NUP62: variants seen among roughly 807,000 people sequenced by gnomAD.
NUP62 encodes nuclear pore glycoprotein p62.
For missense variants in NUP62, 647 were observed against 689.4 expected (o/e 0.94, Z 0.69); for synonymous variants, 305 against 303.4 (o/e 1.01, Z -0.05).
At chr19:49,920,988 G>A (rs2075753485) in intron 2 of NUP62, among the ~76,000 whole-genome samples, 1 of 152,156 alleles carries the variant, frequency 6.6e-6, no homozygotes, top group South Asian at 2.1e-4. Flanking sequence ...AGGTTTCTCT[G>A]GGAACCAGGT....
rs755277180 is a variant in NUP62 at position 49,908,957 on chromosome 19, C to CTGGTGGTGG, written c.850_851insCCACCACCA (p.Ser283_Ser284insThrThrThr). On this transcript the variant is annotated inframe_insertion, in exon 3 of 3. Coordinates refer to ENST00000352066, the MANE Select transcript of NUP62 (RefSeq NM_016553.5). ...CAAGGCAAAGCCGGTGGTGCTGCTG[C>CTGGTGGTGG]TGCTGGTGGTGGTGGCGGTGGCGGT... The CTGGTGGTGG allele has an allele frequency of 6.2e-6, 10 of 1,609,454 alleles. No homozygotes were observed. The Admixed American group carries it at 6.7e-5, about 11-fold the overall frequency.
chr19:49,907,907 C>A lies in NUP62; in HGVS notation c.*332G>T. On this transcript the variant is annotated 3_prime_UTR_variant, in exon 3 of 3. Coordinates refer to ENST00000352066, the MANE Select transcript of NUP62 (RefSeq NM_016553.5). ...ATGCTTTGGAGAGAGTGGCTGCCCCCACGACCCTGGCTGGGACCAAGACCA... is the reference window on the plus strand; with the variant it reads ...ATGCTTTGGAGAGAGTGGCTGCCCCAACGACCCTGGCTGGGACCAAGACCA... The A allele has an allele frequency of 2.3e-6, 1 of 441,396 alleles. No homozygotes were observed. Among genetic ancestry groups the A allele is most frequent in the East Asian group, 4.8e-5 (1 of 20,626 alleles). 27.3% of individuals were successfully genotyped at this position (441,396 alleles called of 1,614,324 possible).
chr19:49,923,197 C>T (rs908796529), intron 2 of NUP62, among the ~76,000 whole-genome samples: 2 of 152,288 alleles, frequency 1.3e-5, no homozygotes, highest in African/African-American at 4.8e-5. Flanking sequence ...CCAGCCCCCG[C>T]GTCATCCTCT....
intron 2 of NUP62, among the ~76,000 whole-genome samples, chr19:49,910,511 G>A (rs2075437045): frequency 6.6e-6 from 1 of 152,184 alleles, no homozygotes; most frequent in Admixed American, 6.5e-5. Context: ...GCCCCTGGCT[G>A]CAGTGATTGG....
intron 2 of NUP62, among the ~76,000 whole-genome samples, chr19:49,919,511 C>G (rs1032559169): frequency 2.0e-5 from 3 of 152,222 alleles, no homozygotes; most frequent in Non-Finnish European, 2.9e-5. Flanking sequence ...CAAAATCCTG[C>G]CTCTGCCACT....
In NUP62 at chr19:49,909,281, G is replaced by A. The variant is rs1268846683; in HGVS notation, c.527C>T (p.Ala176Val). The change falls in exon 3 of 3, where the codon GCA becomes GTA. Residue 176 changes from alanine to valine, a missense_variant. By Grantham distance (64) the Ala-to-Val change is moderately conservative. Transcript: ENST00000352066. Reference sequence around the variant, plus strand: ...TGCCGTGGGCTGGGCTGAATTCCCTGCTGAGCCAATGTTGAAACCGGAGGG... The same window carrying A: ...TGCCGTGGGCTGGGCTGAATTCCCTACTGAGCCAATGTTGAAACCGGAGGG... ...AQPSGFNIGS[A>V]GNSAQPTAPA... The A allele has an allele frequency of 3.7e-6, 6 of 1,614,174 alleles. No individual in the cohort carries two copies. The highest frequency in any genetic ancestry group is 5.1e-6 in the Non-Finnish European group (6 of 1,180,024).
intron 2 of NUP62, among the ~76,000 whole-genome samples, chr19:49,924,054 T>TGCAGGC (rs1162610449): frequency 6.6e-6 from 1 of 151,966 alleles, no homozygotes; most frequent in African/African-American, 2.4e-5. Flanking sequence ...ACGGTGCAGG[T>TGCAGGC]GCAGGCAGGA....
chr19:49,913,830 C>T (rs1021266648), intron 2 of NUP62, among the ~76,000 whole-genome samples: 1 of 152,160 alleles, frequency 6.6e-6, no homozygotes, highest in Non-Finnish European at 1.5e-5. Context: ...CAGACCCATA[C>T]ATACCATGCT....
At chr19:49,917,993 G>A (rs755861024) in intron 2 of NUP62, among the ~76,000 whole-genome samples, 3 of 152,022 alleles carry the variant, frequency 2.0e-5, no homozygotes, top group African/African-American at 7.3e-5. Context: ...GTGACAGAGC[G>A]AGACTCTGTC....
Position 49,909,654 on chromosome 19 carries a change from T to C in NUP62, c.154A>G (p.Thr52Ala), listed in dbSNP as rs756915170. The stretch of plus-strand genomic sequence containing the variant: ...AACAGGCCGGTGGAAGGGGTACTTG[T>C]GGCTGGTTGGAAGGGAGCCCCAAAA... ...FNFGAPFQPA[T>A]STPSTGLFSL... Residue 52 changes from threonine to alanine, a missense_variant, in exon 3 of 3, where the codon ACA (threonine) becomes GCA (alanine). Transcript: ENST00000352066. 3 of 1,614,174 alleles carry C rather than the reference T, an allele frequency of 1.9e-6. No homozygotes were observed. Among genetic ancestry groups the C allele is most frequent in the African/African-American group, 1.3e-5 (1 of 75,044 alleles).
At position 49,927,724 on chromosome 19, in the gene NUP62, T is replaced by A. The variant is rs1342797940; in HGVS notation, c.-108A>T. The A allele has an allele frequency of 3.9e-5, 6 of 152,258 alleles. No individual in the cohort carries two copies. Among genetic ancestry groups the A allele is most frequent in the Non-Finnish European group, 8.8e-5 (6 of 68,070 alleles). The allele number at this position is 152,258 out of a possible 1,614,324, so 9.4% of individuals were successfully genotyped here. ...AGTATCAGGATTCCTCCACCTTCTC[T>A]GGACCTTGATTCAGTCTCCTAACTG... is the stretch of plus-strand genomic sequence containing the variant. On this transcript the variant is annotated 5_prime_UTR_variant, in exon 2 of 3. Transcript: ENST00000352066.
Position 49,909,003 on chromosome 19 carries a change from T to C in NUP62, c.805A>G (p.Thr269Ala). ...GCGGTGGCAGCGGTGGATGTTGTTG[T>C]GGAGGTGCCGGAAGCTGCTCCAGGT... Reference protein sequence around the residue: ...KAPGAASGTSTTTSTAATATA... With the variant: ...KAPGAASGTSATTSTAATATA... Residue 269 changes from threonine to alanine, a missense_variant, in exon 3 of 3, where the codon ACA (threonine) becomes GCA (alanine). Coordinates refer to ENST00000352066, the MANE Select transcript of NUP62 (RefSeq NM_016553.5). 1 of 1,612,332 alleles carries C rather than the reference T, an allele frequency of 6.2e-7. No homozygotes were observed. The highest frequency in any genetic ancestry group is 1.3e-5 in the African/African-American group (1 of 75,002).
Position 49,921,699 on chromosome 19 carries a change from G to C in NUP62, c.-78+5995C>G, listed in dbSNP as rs980572902. Reference sequence around the variant, plus strand: ...CCTCTGCCCATTGAGGGGGCACCTAGGGAGCCTAGGGGTCCCGTGAGGCCC... The same window carrying C: ...CCTCTGCCCATTGAGGGGGCACCTACGGAGCCTAGGGGTCCCGTGAGGCCC... On this transcript the variant is annotated intron_variant, in intron 2 of 2. Transcript: ENST00000352066. The surrounding 1 kb of genome is among the most constrained non-coding windows in gnomAD (Gnocchi z 5.4). Among the ~76,000 whole-genome samples, 1 of 152,152 alleles carries C rather than the reference G, an allele frequency of 6.6e-6. No homozygotes were observed. The highest frequency in any genetic ancestry group is 1.5e-5 in the Non-Finnish European group (1 of 67,996).
intron 2 of NUP62, chr19:49,913,119 G>C (rs1460017273): frequency 6.6e-6 from 1 of 152,548 alleles, no homozygotes; most frequent in African/African-American, 2.4e-5. Context: ...GCCAGGGAAA[G>C]GATGGCGGGG....
intron 2 of NUP62, among the ~76,000 whole-genome samples, chr19:49,912,600 A>G (rs1468335539): frequency 6.6e-6 from 1 of 152,014 alleles, no homozygotes; most frequent in African/African-American, 2.4e-5. Flanking sequence ...GAGGTGGCTC[A>G]CGCCTGTAAT....
At chr19:49,920,939 AG>A (rs1421137710) in intron 2 of NUP62, among the ~76,000 whole-genome samples, 2 of 152,280 alleles carry the variant, frequency 1.3e-5, no homozygotes, top group East Asian at 3.9e-4. Flanking sequence ...GAAGGAGGGA[AG>A]GGCCCAGGCC....
At position 49,909,685 on chromosome 19, in the gene NUP62, C is replaced by A. The variant is rs150463164; in HGVS notation, c.123G>T (p.Gly41=). The A allele has an allele frequency of 4.1e-4, 666 of 1,614,138 alleles. 1 individual carries two copies. Among genetic ancestry groups the A allele is most frequent in the Non-Finnish European group, 4.8e-4 (569 of 1,180,022 alleles). ...GFSFSTSGTG[G]FNFGAPFQPA... is the part of the protein sequence containing the mutation. ...GTTGGAAGGGAGCCCCAAAATTAAA[C>A]CCTCCAGTGCCAGAGGTGGAGAAAG... Residue 41 remains glycine, a synonymous_variant, in exon 3 of 3, where the codon GGG becomes GGT. Coordinates refer to ENST00000352066, the MANE Select transcript of NUP62 (RefSeq NM_016553.5).
chr19:49,909,757 C>G lies in NUP62; in HGVS notation c.51G>C (p.Thr17=), dbSNP rs201611239. 1 of 1,614,142 alleles carries G rather than the reference C, an allele frequency of 6.2e-7. No homozygotes were observed. The highest frequency in any genetic ancestry group is 8.5e-7 in the Non-Finnish European group (1 of 1,180,040). ...GGTGAPTGGF[T]FGTAKTATTT... ...TTGTTGCCGTCTTTGCAGTGCCAAACGTGAACCCGCCTGTAGGGGCCCCAG... is the reference window on the plus strand; with the variant it reads ...TTGTTGCCGTCTTTGCAGTGCCAAAGGTGAACCCGCCTGTAGGGGCCCCAG... Residue 17 remains threonine, a synonymous_variant, in exon 3 of 3, where the codon ACG becomes ACC. Coordinates refer to ENST00000352066, the MANE Select transcript of NUP62 (RefSeq NM_016553.5).
chr19:49,907,755 C>T lies in NUP62; in HGVS notation c.*484G>A, dbSNP rs1127729. 0.1 allele frequency: 33,874 copies of T among 335,512 alleles called. 1,951 individuals are homozygous for T. Among genetic ancestry groups the T allele is most frequent in the Middle Eastern group, 0.12 (111 of 912 alleles). The allele number at this position is 335,512 out of a possible 1,614,324, so 20.8% of individuals were successfully genotyped here. A position where few individuals can be genotyped will look rare whatever the true frequency, so the allele number is the denominator to read the frequency against. ...TTCACCATGTTGGCCAGGCTGGTCT[C>T]GAACTCCTGACCTCAAGTCATCTGC... On this transcript the variant is annotated 3_prime_UTR_variant, in exon 3 of 3. Coordinates refer to ENST00000352066, the MANE Select transcript of NUP62 (RefSeq NM_016553.5).
Sources: gnomAD v4.1 joint callset for allele counts (sites outside exome capture counted in the v4.1 genomes callset) on GRCh38, gnomAD v4.1.1 for gene constraint, Gnocchi (gnomAD v3.1) non-coding constraint, MANE v1.5 for transcripts, NCBI Gene and HGNC (gene_info 2026-07-23, HGNC 2026-07-21) for gene names.